Variants in NLGN1 observed in about 807,000 individuals in gnomAD.
The protein encoded by NLGN1 is neuroligin-1.
Under a neutral mutation model 65.5 loss-of-function variants are expected in NLGN1, and 12 were observed. The observed-to-expected ratio is 0.18, with a 90% CI of 0.12 to 0.30. The LOEUF is 0.30. Among genes scored for constraint, NLGN1 ranks in the 10% least tolerant of loss-of-function variants. The pLI is 1.00. For missense variants in NLGN1, 750 were observed against 1,007.1 expected (o/e 0.74, Z 3.46); for synonymous variants, 350 against 359.5 (o/e 0.97, Z 0.30).
chr3:173,407,547 A>G (rs559892802), intron 1 of NLGN1, among the ~76,000 whole-genome samples: 7 of 152,232 alleles, frequency 4.6e-5, no homozygotes, highest in East Asian at 1.9e-4. Flanking sequence ...AAGTATAGGT[A>G]ATAATCACCA....
chr3:173,683,017 T>A (rs1502468), intron 3 of NLGN1, among the ~76,000 whole-genome samples: 48,172 of 152,074 alleles, frequency 0.32, 8,688 homozygotes, highest in African/African-American at 0.5. Context: ...CTGTTAAAAG[T>A]TATTAAAACC....
intron 2 of NLGN1, among the ~76,000 whole-genome samples, chr3:173,441,347 C>T (rs966103235): frequency 6.6e-6 from 1 of 152,258 alleles, no homozygotes; most frequent in African/African-American, 2.4e-5. Flanking sequence ...ACTTAGCTAA[C>T]CATTTGAAAC....
chr3:174,264,994 C>T (rs976479603), intron 4 of NLGN1, among the ~76,000 whole-genome samples: 3 of 152,128 alleles, frequency 2.0e-5, no homozygotes, highest in Non-Finnish European at 2.9e-5. Context: ...TTAGGCTGCT[C>T]GGGGGTCAGG....
At chr3:174,094,228 C>T (rs140575518) in intron 4 of NLGN1, among the ~76,000 whole-genome samples, 3,271 of 152,182 alleles carry the variant, frequency 0.021, 52 homozygotes, top group Non-Finnish European at 0.028. Context: ...TTATAAGTTA[C>T]GCCCCCAAAA....
At chr3:174,071,276 A>C (rs1000984877) in intron 4 of NLGN1, among the ~76,000 whole-genome samples, 2 of 152,170 alleles carry the variant, frequency 1.3e-5, no homozygotes, top group African/African-American at 2.4e-5. Flanking sequence ...TGTTGGTAGA[A>C]TACTGAAGGA....
intron 4 of NLGN1, among the ~76,000 whole-genome samples, chr3:174,238,572 C>G (rs1044893335): frequency 1.3e-5 from 2 of 152,018 alleles, no homozygotes; most frequent in Admixed American, 1.3e-4. Context: ...CACGTTGGCC[C>G]GGATGGTCTC....
chr3:174,165,818 A>C (rs931881409), intron 4 of NLGN1, among the ~76,000 whole-genome samples: 21 of 151,986 alleles, frequency 1.4e-4, no homozygotes, highest in African/African-American at 4.8e-4. Context: ...CTGGTCTGTG[A>C]ATCCATCTGG....
intron 4 of NLGN1, among the ~76,000 whole-genome samples, chr3:174,158,694 G>T (rs1725929926): frequency 6.6e-6 from 1 of 151,656 alleles, no homozygotes; most frequent in African/African-American, 2.4e-5. Flanking sequence ...ATTTTGTGTG[G>T]GTATAAATGT....
At chr3:173,574,930 G>A (rs1474770959) in intron 2 of NLGN1, among the ~76,000 whole-genome samples, 4 of 152,158 alleles carry the variant, frequency 2.6e-5, no homozygotes, top group Non-Finnish European at 5.9e-5. Context: ...TGTCACCTAG[G>A]CTAGAGTGCA....
chr3:173,643,571 T>C (rs1035357069), intron 3 of NLGN1, among the ~76,000 whole-genome samples: 4 of 152,224 alleles, frequency 2.6e-5, no homozygotes, highest in Admixed American at 2.6e-4. Flanking sequence ...TGTCAGCAGT[T>C]TGTACCACAT....
intron 2 of NLGN1, among the ~76,000 whole-genome samples, chr3:173,560,186 C>T (rs1559969001): frequency 6.6e-6 from 1 of 152,122 alleles, no homozygotes; most frequent in Non-Finnish European, 1.5e-5. Flanking sequence ...CCGCCTCGGC[C>T]TCCCAAAGTG....
Position 173,458,774 on chromosome 3 carries a change from A to G in NLGN1, c.-321+23696A>G, listed in dbSNP as rs186381105. Among the ~76,000 whole-genome samples, 919 of 152,212 alleles carry G rather than the reference A, an allele frequency of 6.0e-3. 14 individuals are homozygous for G. The highest frequency in any genetic ancestry group is 0.021 in the African/African-American group (888 of 41,548). On this transcript the variant is annotated intron_variant, in intron 2 of 6. Transcript: ENST00000457714. ...AGAAGGTTGCATGTGGGAAGTTTTA[A>G]GGTTGTTTAATTCAGCAATTCAGGG... is the stretch of plus-strand genomic sequence containing the variant.
intron 4 of NLGN1, among the ~76,000 whole-genome samples, chr3:174,173,965 C>T (rs547874213): frequency 6.6e-6 from 1 of 151,938 alleles, no homozygotes; most frequent in Non-Finnish European, 1.5e-5. Flanking sequence ...GGTCTTTTAT[C>T]CCTCACCTCT....
chr3:173,932,355 G>T (rs765713988), intron 4 of NLGN1, among the ~76,000 whole-genome samples: 3 of 151,868 alleles, frequency 2.0e-5, no homozygotes, highest in Non-Finnish European at 4.4e-5. Context: ...CTTTCATATC[G>T]TGTTATCACT....
intron 3 of NLGN1, among the ~76,000 whole-genome samples, chr3:173,794,010 G>A (rs1713415423): frequency 6.6e-6 from 1 of 151,914 alleles, no homozygotes; most frequent in African/African-American, 2.4e-5. Context: ...TCTACTCCTT[G>A]TATGCCAGCC....
intron 4 of NLGN1, among the ~76,000 whole-genome samples, chr3:173,945,145 T>A (rs904838210): frequency 1.4e-4 from 21 of 151,806 alleles, no homozygotes; most frequent in African/African-American, 4.8e-4. Context: ...CTATGCCTCA[T>A]CTGCTTGATT....
At chr3:173,621,371 T>A (rs1753957066) in intron 3 of NLGN1, among the ~76,000 whole-genome samples, 1 of 152,146 alleles carries the variant, frequency 6.6e-6, no homozygotes, top group Non-Finnish European at 1.5e-5. Context: ...TTACAGTTGG[T>A]AAAGTCGGGA....
At chr3:173,749,784 A>G (rs1234921342) in intron 3 of NLGN1, among the ~76,000 whole-genome samples, 1 of 152,084 alleles carries the variant, frequency 6.6e-6, no homozygotes, top group Non-Finnish European at 1.5e-5. Flanking sequence ...TGACTAATAC[A>G]TATTAATTGA....
At chr3:173,409,338 T>C (rs1404165765) in intron 1 of NLGN1, among the ~76,000 whole-genome samples, 3 of 151,924 alleles carry the variant, frequency 2.0e-5, no homozygotes, top group Admixed American at 2.0e-4. Flanking sequence ...AGTTGAATGA[T>C]TGATATGAGA....
Sources: gnomAD v4.1 joint callset for allele counts (sites outside exome capture counted in the v4.1 genomes callset) on GRCh38, gnomAD v4.1.1 for gene constraint, MANE v1.5 for transcripts, NCBI Gene and HGNC (gene_info 2026-07-23, HGNC 2026-07-21) for gene names.